The following RORA variants were observed in gnomAD, a reference collection of about 807,000 sequenced individuals.
RORA encodes RAR related orphan receptor A.
Under a neutral mutation model 69.5 loss-of-function variants are expected in RORA, and 7 were observed. The observed-to-expected ratio is 0.10, with a 90% CI of 0.06 to 0.19. RORA has a LOEUF of 0.19. RORA is among the 10% of genes least tolerant of loss of function. The pLI is 1.00. For missense variants in RORA, 457 were observed against 663.0 expected, an observed-to-expected ratio of 0.69 and a Z score of 3.41; for synonymous variants, 261 against 240.8, an observed-to-expected ratio of 1.08 and a Z score of -0.78.
At chr15:61,217,838 C>T (rs2080054523) in intron 1 of RORA, among the ~76,000 whole-genome samples, 1 of 152,144 alleles carries the variant, frequency 6.6e-6, no homozygotes, top group African/African-American at 2.4e-5. Context: ...TATTAATGAG[C>T]ATGTGCTAAA....
intron 1 of RORA, among the ~76,000 whole-genome samples, chr15:60,967,385 C>G (rs1024781691): frequency 1.3e-5 from 2 of 152,180 alleles, no homozygotes; most frequent in Non-Finnish European, 2.9e-5. Context: ...TGGGAATCAG[C>G]ATCAACAAAA....
chr15:60,899,663 T>C (rs1283702206), intron 1 of RORA, among the ~76,000 whole-genome samples: 1 of 152,202 alleles, frequency 6.6e-6, no homozygotes, highest in African/African-American at 2.4e-5. Flanking sequence ...AAAAAGCCTT[T>C]TCACCACAAG....
At chr15:60,775,660 A>C (rs962101610) in intron 1 of RORA, among the ~76,000 whole-genome samples, 1 of 152,130 alleles carries the variant, frequency 6.6e-6, no homozygotes, top group African/African-American at 2.4e-5. Flanking sequence ...ATTTATGCCT[A>C]CCTTGGAACA....
At chr15:61,144,891 C>T (rs2079331505) in intron 1 of RORA, among the ~76,000 whole-genome samples, 1 of 152,066 alleles carries the variant, frequency 6.6e-6, no homozygotes, top group Non-Finnish European at 1.5e-5. Context: ...GGATAGGAAA[C>T]TATAAGTTTC....
chr15:61,102,750 T>A (rs1349868349), intron 1 of RORA, among the ~76,000 whole-genome samples: 1 of 152,224 alleles, frequency 6.6e-6, no homozygotes, highest in Admixed American at 6.5e-5. Flanking sequence ...ACCTAGTTTT[T>A]CTTTCTTTAA....
intron 1 of RORA, among the ~76,000 whole-genome samples, chr15:60,945,178 C>T (rs531322620): frequency 7.2e-5 from 11 of 152,304 alleles, no homozygotes; most frequent in Middle Eastern, 3.4e-3. Context: ...TCCCCACCCT[C>T]TCTCTGAAAA....
intron 1 of RORA, chr15:61,194,226 G>C (rs1454934481): frequency 6.6e-6 from 1 of 152,204 alleles, no homozygotes; most frequent in African/African-American, 2.4e-5. Context: ...CAAGCCAAGA[G>C]TAGGAACAAG....
At chr15:60,684,099 T>C (rs376766427) in intron 1 of RORA, among the ~76,000 whole-genome samples, 241 of 143,128 alleles carry the variant, frequency 1.7e-3, no homozygotes, top group East Asian at 0.016. Flanking sequence ...TTTTTTTTCT[T>C]TTTTTTTTAG....
intron 1 of RORA, among the ~76,000 whole-genome samples, chr15:60,759,101 A>G (rs1233424853): frequency 6.6e-6 from 1 of 152,198 alleles, no homozygotes; most frequent in Non-Finnish European, 1.5e-5. Context: ...TGCTGAATGA[A>G]TAGTCATTAG....
chr15:60,708,184 G>C (rs1479539774), intron 1 of RORA, among the ~76,000 whole-genome samples: 1 of 151,978 alleles, frequency 6.6e-6, no homozygotes, highest in Non-Finnish European at 1.5e-5. Flanking sequence ...AGCCCAACTA[G>C]GACTCTCCTA....
At chr15:61,223,589 T>C (rs148030940) in intron 1 of RORA, among the ~76,000 whole-genome samples, 1 of 152,362 alleles carries the variant, frequency 6.6e-6, no homozygotes, top group Non-Finnish European at 1.5e-5. Flanking sequence ...TCTGACACTG[T>C]GTCCATTTAC....
intron 1 of RORA, among the ~76,000 whole-genome samples, chr15:60,712,721 G>C (rs529513042): frequency 6.6e-6 from 1 of 152,302 alleles, no homozygotes; most frequent in African/African-American, 2.4e-5. Context: ...CTGCTTCCAG[G>C]AAGGCTTTTG....
chr15:61,137,688 CAT>C (rs1447434536), intron 1 of RORA, among the ~76,000 whole-genome samples: 4 of 152,190 alleles, frequency 2.6e-5, no homozygotes, highest in East Asian at 3.8e-4. Flanking sequence ...AAATTTAAAA[CAT>C]GTGCTTAGAT....
intron 1 of RORA, among the ~76,000 whole-genome samples, chr15:60,790,964 C>G (rs1304502631): frequency 1.3e-5 from 2 of 151,064 alleles, no homozygotes; most frequent in Admixed American, 6.6e-5. Flanking sequence ...CCTAGAAACG[C>G]CCCCCCATTG....
At chr15:60,539,797 G>T (rs1393630392) in intron 2 of RORA, among the ~76,000 whole-genome samples, 1 of 151,962 alleles carries the variant, frequency 6.6e-6, no homozygotes, top group Non-Finnish European at 1.5e-5. Flanking sequence ...AAGGATTTAT[G>T]GGGTTATGTG....
At chr15:60,893,874 T>C (rs1012182604) in intron 1 of RORA, among the ~76,000 whole-genome samples, 9 of 152,202 alleles carry the variant, frequency 5.9e-5, no homozygotes, top group Non-Finnish European at 1.3e-4. Flanking sequence ...GACATGCTAA[T>C]GGACCTGCCC....
At chr15:61,052,442 G>T (rs553143960) in intron 1 of RORA, among the ~76,000 whole-genome samples, 1 of 152,224 alleles carries the variant, frequency 6.6e-6, no homozygotes, top group African/African-American at 2.4e-5. Context: ...CTGCTTTCGC[G>T]TAGTGGTTCT....
At chr15:61,103,228 G>C (rs190341311) in intron 1 of RORA, among the ~76,000 whole-genome samples, 2 of 152,270 alleles carry the variant, frequency 1.3e-5, no homozygotes, top group East Asian at 3.9e-4. Flanking sequence ...GAGGAACTTG[G>C]CAGTGGAGGA....
intron 1 of RORA, among the ~76,000 whole-genome samples, chr15:60,799,731 C>A (rs950574321): frequency 6.6e-6 from 1 of 152,064 alleles, no homozygotes; most frequent in Non-Finnish European, 1.5e-5. Flanking sequence ...CTTTCCCCTG[C>A]AATCTGATGT....
Sources: gnomAD v4.1 joint callset for allele counts (sites outside exome capture counted in the v4.1 genomes callset) on GRCh38, gnomAD v4.1.1 for gene constraint, MANE v1.5 for transcripts, NCBI Gene and HGNC (gene_info 2026-07-23, HGNC 2026-07-21) for gene names.